Variants in ITPR1 observed in about 807,000 individuals in gnomAD.
ITPR1 encodes the protein inositol 1,4,5-trisphosphate receptor type 1.
In ITPR1, 96 loss-of-function variants were observed where a neutral mutation model predicts 318.4. The ratio of observed to expected loss-of-function variants is 0.30; its 90% confidence interval spans 0.26 to 0.36. The LOEUF is 0.36. ITPR1 is among the 10% of genes least tolerant of loss of function. The pLI, the probability that ITPR1 is intolerant of heterozygous loss-of-function variation, is 1.00. For missense variants in ITPR1, 2,440 were observed against 3,460.2 expected (o/e 0.71, Z 7.40); for synonymous variants, 1,312 against 1,289.9 (o/e 1.02, Z -0.37).
At chr3:4,640,565 A>G (rs957103488) in intron 6 of ITPR1, among the ~76,000 whole-genome samples, 1 of 152,198 alleles carries the variant, frequency 6.6e-6, no homozygotes, top group African/African-American at 2.4e-5. Context: ...ATTTGGTTAG[A>G]TTGGAGAATA....
intron 4 of ITPR1, among the ~76,000 whole-genome samples, chr3:4,627,262 A>C (rs73106478): frequency 0.016 from 2,493 of 152,278 alleles, 81 homozygotes; most frequent in African/African-American, 0.057. Flanking sequence ...TGAGATAACT[A>C]TGGGGTAGCA....
chr3:4,567,787 A>G (rs141010307), intron 4 of ITPR1, among the ~76,000 whole-genome samples: 17 of 152,210 alleles, frequency 1.1e-4, no homozygotes, highest in African/African-American at 4.1e-4. Context: ...TACTTTTAGT[A>G]GAGATGGGAT....
At chr3:4,495,748 A>G (rs1438893547) in intron 2 of ITPR1, among the ~76,000 whole-genome samples, 5 of 152,226 alleles carry the variant, frequency 3.3e-5, no homozygotes, top group Non-Finnish European at 5.9e-5. Context: ...GAGTGAAATC[A>G]CTTGCCCAGT....
At chr3:4,540,591 C>T (rs2084346401) in intron 4 of ITPR1, among the ~76,000 whole-genome samples, 1 of 151,804 alleles carries the variant, frequency 6.6e-6, no homozygotes, top group Non-Finnish European at 1.5e-5. Flanking sequence ...TGTGTGTGTG[C>T]ACGTGTGTGT....
At position 4,657,396 on chromosome 3, in the gene ITPR1, TG is replaced by T. The variant is rs1460802604; in HGVS notation, c.997-727del. ...ATGGATGTACCTAGAGTTTTTTTTT[TG>T]TTTTTTTTTTTTAATCATCTGGAGC... On this transcript the variant is annotated intron_variant, in intron 12 of 61. Coordinates refer to ENST00000649015, the MANE Select transcript of ITPR1 (RefSeq NM_001378452.1). Among the ~76,000 whole-genome samples the T allele has an allele frequency of 1.3e-4, 19 of 151,202 alleles. No individual in the cohort carries two copies. The East Asian group carries it at 2.3e-3, about 19-fold the overall frequency.
In ITPR1 at chr3:4,811,361, C is replaced by T. The variant is rs1354447001; in HGVS notation, c.7369C>T (p.Leu2457=). Residue 2457 remains leucine (L), a synonymous_variant, in exon 56 of 62, where the codon CTG becomes TTG. Coordinates refer to ENST00000649015, the MANE Select transcript of ITPR1 (RefSeq NM_001378452.1). ...CATCATCCTGACAGCAGTTCTGGCT[C>T]TGATCCTCGTTTACCTGTTCTCAAT... ...RSIILTAVLA[L]ILVYLFSIVG... The T allele has an allele frequency of 6.2e-7, 1 of 1,613,964 alleles. No individual in the cohort carries two copies.
At chr3:4,769,590 G>C (rs1423347235) in intron 46 of ITPR1, among the ~76,000 whole-genome samples, 3 of 152,132 alleles carry the variant, frequency 2.0e-5, no homozygotes, top group Non-Finnish European at 4.4e-5. Context: ...TCATTTTGTT[G>C]TTTTTGTCTG....
chr3:4,658,086 C>T, intron 12 of ITPR1, 38 bp from the exon 13 acceptor site: 1 of 1,565,346 alleles, frequency 6.4e-7, no homozygotes, highest in Non-Finnish European at 8.7e-7. Context: ...AAGGCTTTGG[C>T]ATGCATGGTT....
At chr3:4,735,061 T>C (rs2043177124) in intron 43 of ITPR1, 103 bp from the exon 44 acceptor site, 3 of 833,676 alleles carry the variant, frequency 3.6e-6, no homozygotes, top group Non-Finnish European at 5.8e-6. Flanking sequence ...GAGATGAACA[T>C]GGGTAAAGCA....
chr3:4,524,806 C>G (rs1473705052), intron 4 of ITPR1, among the ~76,000 whole-genome samples: 1 of 152,190 alleles, frequency 6.6e-6, no homozygotes, highest in Non-Finnish European at 1.5e-5. Flanking sequence ...TGGTTCATAT[C>G]CAAGTTCCAT....
chr3:4,639,497 G>A, intron 6 of ITPR1, 27 bp downstream of exon 6: 2 of 1,478,050 alleles, frequency 1.4e-6, no homozygotes, highest in South Asian at 1.2e-5. Context: ...CTTCCCTTCT[G>A]AAGCTGAAGC....
intron 26 of ITPR1, 63 bp from the exon 27 acceptor site, chr3:4,683,323 C>T (rs1006898254): frequency 1.3e-6 from 2 of 1,571,970 alleles, no homozygotes; most frequent in South Asian, 1.1e-5. Flanking sequence ...CATCTGGGCC[C>T]AAGGGGCGTG....
intron 47 of ITPR1, among the ~76,000 whole-genome samples, chr3:4,776,208 T>G (rs376214325): frequency 6.6e-6 from 1 of 152,230 alleles, no homozygotes; most frequent in Admixed American, 6.5e-5. Flanking sequence ...TAGCTGGGAC[T>G]ACAGGTGCAT....
intron 18 of ITPR1, among the ~76,000 whole-genome samples, chr3:4,668,915 G>C (rs2094011769): frequency 6.6e-6 from 1 of 152,162 alleles, no homozygotes; most frequent in Admixed American, 6.5e-5. Flanking sequence ...ACACAGATCT[G>C]CTCCTCTTTC....
intron 56 of ITPR1, among the ~76,000 whole-genome samples, chr3:4,812,030 C>T (rs904136208): frequency 2.1e-5 from 3 of 143,080 alleles, no homozygotes; most frequent in African/African-American, 7.7e-5. Flanking sequence ...AGTAGGATCA[C>T]ATGTATGTCT....
intron 4 of ITPR1, among the ~76,000 whole-genome samples, chr3:4,603,469 A>T (rs138153451): frequency 6.6e-6 from 1 of 151,920 alleles, no homozygotes; most frequent in Non-Finnish European, 1.5e-5. Context: ...TCCTTCTGTC[A>T]CCCAGGCTGG....
chr3:4,661,874 A>G lies in ITPR1; in HGVS notation c.1252-208A>G, dbSNP rs79145630. Among the ~76,000 whole-genome samples the G allele has an allele frequency of 0.068, 10,383 of 152,244 alleles. 650 individuals carry two copies. Among genetic ancestry groups the G allele is most frequent in the African/African-American group, 0.16 (6,748 of 41,520 alleles). On this transcript the variant is annotated intron_variant, in intron 14 of 61. Coordinates refer to ENST00000649015, the MANE Select transcript of ITPR1 (RefSeq NM_001378452.1). ...ATGATATTAATGCCTCCTTCCTGCC[A>G]CACTGGCCCCCATAATACCAATTTC...
intron 54 of ITPR1, among the ~76,000 whole-genome samples, chr3:4,801,350 G>GCA (rs2048217222): frequency 5.3e-5 from 8 of 152,150 alleles, no homozygotes; most frequent in African/African-American, 1.9e-4. Context: ...GTAATTCAGT[G>GCA]CAACAGCAAA....
intron 10 of ITPR1, among the ~76,000 whole-genome samples, chr3:4,647,626 G>T (rs776225465): frequency 4.6e-5 from 7 of 152,276 alleles, no homozygotes; most frequent in Non-Finnish European, 1.0e-4. Flanking sequence ...TCTTTTCAAT[G>T]TTACTCGTTC....
Sources: gnomAD v4.1 joint callset for allele counts (sites outside exome capture counted in the v4.1 genomes callset) on GRCh38, gnomAD v4.1.1 for gene constraint, MANE v1.5 for transcripts, NCBI Gene and HGNC (gene_info 2026-07-23, HGNC 2026-07-21) for gene names.